Variants in SLC25A48 observed in about 807,000 individuals in gnomAD.
SLC25A48 encodes the protein CTC-321K16.1.
Under a neutral mutation model 32.2 loss-of-function variants are expected in SLC25A48, and 29 were observed. That is an observed-to-expected ratio of 0.90 (90% CI 0.67 to 1.23). The LOEUF is 1.23. SLC25A48 is among the 50% of genes most tolerant of loss of function. The pLI is 0.00. For synonymous variants in SLC25A48, 164 were observed against 172.3 expected (o/e 0.95, Z 0.38); for missense variants, 399 against 422.7 (o/e 0.94, Z 0.49).
intron 3 of SLC25A48, among the ~76,000 whole-genome samples, chr5:135,786,444 A>G (rs958470880): frequency 1.3e-5 from 2 of 151,772 alleles, no homozygotes; most frequent in Non-Finnish European, 1.5e-5. Flanking sequence ...TTGTAATGTC[A>G]TAAGGGGATA....
intron 3 of SLC25A48, among the ~76,000 whole-genome samples, chr5:135,665,825 G>A (rs147933749): frequency 1.3e-5 from 2 of 151,360 alleles, no homozygotes; most frequent in East Asian, 1.9e-4. Flanking sequence ...GCTTCCGTGA[G>A]GCCTCTTTGC....
intron 3 of SLC25A48, among the ~76,000 whole-genome samples, chr5:135,743,328 T>C (rs1755555244): frequency 6.6e-6 from 1 of 151,536 alleles, no homozygotes; most frequent in Non-Finnish European, 1.5e-5. Context: ...CGCCTCGGCC[T>C]CCCAAAGTGT....
upstream of SLC25A48, among the ~76,000 whole-genome samples, chr5:135,834,461 C>T (rs1758330562): frequency 6.6e-6 from 1 of 152,248 alleles, no homozygotes; most frequent in Non-Finnish European, 1.5e-5. Flanking sequence ...GGATGGGCGG[C>T]TGGCACTTTC....
intron 4 of SLC25A48, among the ~76,000 whole-genome samples, chr5:135,853,942 G>A (rs769978245): frequency 7.9e-5 from 12 of 152,194 alleles, no homozygotes; most frequent in African/African-American, 1.4e-4. Context: ...ACGGGCTGCC[G>A]AATGGATGCT....
intron 2 of SLC25A48, among the ~76,000 whole-genome samples, chr5:135,844,532 C>T (rs1418130399): frequency 1.3e-5 from 2 of 152,182 alleles, no homozygotes; most frequent in Non-Finnish European, 2.9e-5. Context: ...GGTGTGAATC[C>T]TGTTTTTGCC....
At chr5:135,740,856 T>C (rs1258900219) in intron 3 of SLC25A48, among the ~76,000 whole-genome samples, 2 of 152,202 alleles carry the variant, frequency 1.3e-5, no homozygotes, top group Admixed American at 6.5e-5. Context: ...CTGCATGCCT[T>C]GCCTCTCAAA....
intron 4 of SLC25A48, among the ~76,000 whole-genome samples, chr5:135,855,588 G>C (rs1488088823): frequency 6.6e-6 from 1 of 152,170 alleles, no homozygotes; most frequent in Non-Finnish European, 1.5e-5. Context: ...GTTTCTGCAG[G>C]CAAATATTGC....
At chr5:135,604,499 C>G (rs1222681675) in intron 1 of SLC25A48, among the ~76,000 whole-genome samples, 1 of 152,204 alleles carries the variant, frequency 6.6e-6, no homozygotes, top group Non-Finnish European at 1.5e-5. Flanking sequence ...GCTCAGAACA[C>G]CTGTAGCCAA....
At chr5:135,876,975 T>C (rs1762110651) in intron 6 of SLC25A48, among the ~76,000 whole-genome samples, 1 of 152,174 alleles carries the variant, frequency 6.6e-6, no homozygotes, top group African/African-American at 2.4e-5. Context: ...AAGCCCATCA[T>C]CATTCCAATC....
chr5:135,746,653 A>G (rs1755649816), intron 3 of SLC25A48, among the ~76,000 whole-genome samples: 1 of 152,210 alleles, frequency 6.6e-6, no homozygotes, highest in South Asian at 2.1e-4. Flanking sequence ...TCGGCAGTGC[A>G]TCTCCTAAGA....
intron 1 of SLC25A48, among the ~76,000 whole-genome samples, chr5:135,585,486 C>T (rs972446205): frequency 2.6e-5 from 4 of 152,234 alleles, no homozygotes; most frequent in African/African-American, 9.7e-5. Context: ...ACTCCTCACA[C>T]TTGTAAAGGC....
intron 1 of SLC25A48, among the ~76,000 whole-genome samples, chr5:135,620,150 G>A (rs1346847693): frequency 1.3e-5 from 2 of 152,200 alleles, no homozygotes; most frequent in Admixed American, 1.3e-4. Context: ...AGCTTGGACA[G>A]GTAGGTCCCC....
intron 4 of SLC25A48, chr5:135,825,576 C>T (rs1488569911): frequency 6.6e-6 from 1 of 152,512 alleles, no homozygotes; most frequent in African/African-American, 2.4e-5. Context: ...GTTGCAGGCA[C>T]AGGCTGGTCC....
At chr5:135,840,278 C>T (rs1287946476) in intron 1 of SLC25A48, among the ~76,000 whole-genome samples, 1 of 152,134 alleles carries the variant, frequency 6.6e-6, no homozygotes, top group African/African-American at 2.4e-5. Flanking sequence ...TCATTCTTAC[C>T]ATGGAAGCAG....
chr5:135,646,659 T>TATATATATATATATATATATATATA (rs1752965436), intron 3 of SLC25A48, among the ~76,000 whole-genome samples: 1 of 125,400 alleles, frequency 8.0e-6, no homozygotes, highest in Non-Finnish European at 1.7e-5. Flanking sequence ...TAATTTCCCA[T>TATATATATATATATATATATATATA]TATATATATA....
chr5:135,757,568 AAC>A (rs143648584), intron 3 of SLC25A48, among the ~76,000 whole-genome samples: 5,587 of 149,628 alleles, frequency 0.037, 283 homozygotes, highest in African/African-American at 0.12. Flanking sequence ...GTCTAGTGTT[AAC>A]ACACAGTGTT....
chr5:135,701,548 C>T (rs1754397021), intron 3 of SLC25A48, among the ~76,000 whole-genome samples: 2 of 152,144 alleles, frequency 1.3e-5, no homozygotes, highest in African/African-American at 4.8e-5. Context: ...TGCATTTTCT[C>T]ATTCATTCCC....
chr5:135,770,578 G>A (rs1479238050), intron 3 of SLC25A48, among the ~76,000 whole-genome samples: 2 of 151,708 alleles, frequency 1.3e-5, no homozygotes, highest in Admixed American at 1.3e-4. Flanking sequence ...GGCAGGGGAT[G>A]TACACACCCC....
intron 1 of SLC25A48, among the ~76,000 whole-genome samples, chr5:135,628,634 T>C (rs531350166): frequency 3.0e-4 from 46 of 152,282 alleles, no homozygotes; most frequent in African/African-American, 1.1e-3. Flanking sequence ...AGTCAATGGA[T>C]GGCAGTGTCT....
Sources: gnomAD v4.1 joint callset for allele counts (sites outside exome capture counted in the v4.1 genomes callset) on GRCh38, gnomAD v4.1.1 for gene constraint, MANE v1.5 for transcripts, NCBI Gene and HGNC (gene_info 2026-07-23, HGNC 2026-07-21) for gene names.